The following CRACD variants were observed in gnomAD, a reference collection of about 807,000 sequenced individuals.
CRACD encodes the protein capping protein inhibiting regulator of actin dynamics, also known as capping protein-inhibiting regulator of actin dynamics.
A neutral mutation model predicts 106.8 loss-of-function variants in CRACD; 56 were observed. The observed-to-expected ratio is 0.52, with a 90% CI of 0.42 to 0.66. CRACD has a LOEUF of 0.66. Ranked by LOEUF, CRACD falls within the 30% of genes least tolerant of loss-of-function variation. The pLI is 0.00. For missense variants in CRACD, 1,730 were observed against 1,623.2 expected, an observed-to-expected ratio of 1.07 and a Z score of -1.13; for synonymous variants, 754 against 670.8, an observed-to-expected ratio of 1.12 and a Z score of -1.92.
chr4:56,134,321 T>C (rs928378133), intron 1 of CRACD, among the ~76,000 whole-genome samples: 2 of 152,188 alleles, frequency 1.3e-5, no homozygotes, highest in Admixed American at 1.3e-4. Flanking sequence ...TTCCTTCCTG[T>C]TGATGGGAGA....
Position 56,315,163 on chromosome 4 carries a change from A to G in CRACD, c.1661A>G (p.Asn554Ser), listed in dbSNP as rs763009024. 6 of 1,603,450 alleles carry G rather than the reference A, an allele frequency of 3.7e-6. No homozygotes were observed. The highest frequency in any genetic ancestry group is 1.7e-5 in the Admixed American group (1 of 57,928). ...GGKQILFPKV[N>S]LSPVTPAKDT... ...AAGCAGATTCTCTTTCCCAAAGTCA[A>G]CCTGAGCCCCGTGACGCCCGCAAAG... Residue 554 changes from asparagine (N) to serine (S), a missense_variant, in exon 8 of 11, where the codon AAC (asparagine) becomes AGC (serine). By Grantham distance (46) the Asn-to-Ser change is conservative (BLOSUM62 1). Coordinates refer to ENST00000682029, the MANE Select transcript of CRACD (RefSeq NM_001393381.1). The surrounding 1 kb of genome is among the most constrained non-coding windows in gnomAD (Gnocchi z 4.1).
intron 1 of CRACD, among the ~76,000 whole-genome samples, chr4:56,147,091 A>G (rs1198713755): frequency 6.6e-6 from 1 of 152,180 alleles, no homozygotes; most frequent in Non-Finnish European, 1.5e-5. Context: ...TTAGGCCAGT[A>G]GCGGTGGGCT....
chr4:56,164,704 G>T (rs1400096644), intron 1 of CRACD, among the ~76,000 whole-genome samples: 1 of 152,158 alleles, frequency 6.6e-6, no homozygotes, highest in Non-Finnish European at 1.5e-5. Context: ...TTTTTGGAGT[G>T]GTGGAAATGT....
At chr4:56,074,600 G>A in intron 1 of CRACD, among the ~76,000 whole-genome samples, 1 of 152,126 alleles carries the variant, frequency 6.6e-6, no homozygotes. Flanking sequence ...AGACGATGGT[G>A]TTTTCTAAAT....
At chr4:56,174,258 G>A (rs1056760643) in intron 1 of CRACD, among the ~76,000 whole-genome samples, 2 of 152,112 alleles carry the variant, frequency 1.3e-5, no homozygotes, top group Non-Finnish European at 2.9e-5. Context: ...AGGGTAACTG[G>A]CACATCCATC....
chr4:56,197,643 A>G (rs17745069), intron 2 of CRACD, among the ~76,000 whole-genome samples: 5,064 of 152,090 alleles, frequency 0.033, 120 homozygotes, highest in Admixed American at 0.056. Context: ...GGGAGGTTAC[A>G]AAGTCTATTA....
At chr4:56,051,152 A>G (rs1412406797) in intron 1 of CRACD, among the ~76,000 whole-genome samples, 1 of 152,148 alleles carries the variant, frequency 6.6e-6, no homozygotes, top group East Asian at 1.9e-4. Context: ...TGTGGTCTGT[A>G]TTTCTGATCT....
rs939551389 is a variant in CRACD, at chr4:56,068,832, C to A, written c.-336+19533C>A. ...GTGCTGTGGTGGGCTGAAGAGTGACCCTCGCCCCCTCCCCGAGACTCATGT... is the reference window on the plus strand; with the variant it reads ...GTGCTGTGGTGGGCTGAAGAGTGACACTCGCCCCCTCCCCGAGACTCATGT... On this transcript the variant is annotated intron_variant, in intron 1 of 10. Coordinates refer to ENST00000682029, the MANE Select transcript of CRACD (RefSeq NM_001393381.1). 4.6e-5 allele frequency among the ~76,000 whole-genome samples: 7 copies of A among 151,990 alleles called. 1 individual carries two copies. The East Asian group carries it at 1.4e-3, about 29-fold the overall frequency.
intron 2 of CRACD, among the ~76,000 whole-genome samples, chr4:56,241,711 G>A (rs571873612): frequency 5.3e-5 from 8 of 152,282 alleles, no homozygotes; most frequent in African/African-American, 1.7e-4. Context: ...ATTGGGTGCC[G>A]TGGAAACACA....
chr4:56,205,754 A>G (rs1309589863), intron 2 of CRACD, among the ~76,000 whole-genome samples: 1 of 152,172 alleles, frequency 6.6e-6, no homozygotes. Flanking sequence ...CTGAGATTAC[A>G]GCCATGATCT....
At chr4:56,053,941 T>C (rs1210350327) in intron 1 of CRACD, among the ~76,000 whole-genome samples, 2 of 152,212 alleles carry the variant, frequency 1.3e-5, no homozygotes, top group African/African-American at 2.4e-5. Context: ...GATTTCATCC[T>C]TAGGCTGGCC....
intron 2 of CRACD, among the ~76,000 whole-genome samples, chr4:56,208,591 G>T (rs946936740): frequency 6.6e-6 from 1 of 152,040 alleles, no homozygotes; most frequent in Non-Finnish European, 1.5e-5. Flanking sequence ...TATTAACAAC[G>T]TATTCACTAA....
At chr4:56,214,359 C>A (rs1038228965) in intron 2 of CRACD, among the ~76,000 whole-genome samples, 12 of 152,066 alleles carry the variant, frequency 7.9e-5, no homozygotes, top group African/African-American at 2.7e-4. Context: ...CTTTGGGAGG[C>A]CAAGGTGGGC....
chr4:56,315,939 C>A lies in CRACD; in HGVS notation c.2437C>A (p.His813Asn). ...TTACCCTCCGCAGAAAGTGGTGGCC[C>A]ACACAGAGTTCACGACCTCGTCGGA... ...LPYPPQKVVAHTEFTTSSDSE... is the reference protein window; with the variant it reads ...LPYPPQKVVANTEFTTSSDSE... Residue 813 changes from histidine to asparagine, a missense_variant, in exon 8 of 11, where the codon CAC (histidine) becomes AAC (asparagine). His to Asn is a moderately conservative substitution (Grantham distance 68). This residue lies in a region of CRACD where 1,620 missense variants were observed against 1,481.6 expected (regional missense o/e 1.09). Transcript: ENST00000682029. This position sits in a 1 kb window ranked among gnomAD's most constrained non-coding sequence, Gnocchi z 4.1. The A allele has an allele frequency of 6.2e-7, 1 of 1,614,198 alleles. No homozygotes were observed. Among genetic ancestry groups the A allele is most frequent in the Admixed American group, 1.7e-5 (1 of 60,018 alleles).
At chr4:56,149,214 C>A (rs1735503429) in intron 1 of CRACD, among the ~76,000 whole-genome samples, 1 of 152,166 alleles carries the variant, frequency 6.6e-6, no homozygotes, top group African/African-American at 2.4e-5. Flanking sequence ...TTCTCTAGCA[C>A]CACTACTGCC....
chr4:56,217,936 C>A (rs1338105296), intron 2 of CRACD, among the ~76,000 whole-genome samples: 1 of 152,168 alleles, frequency 6.6e-6, no homozygotes, highest in East Asian at 1.9e-4. Context: ...TTGGCTCCTT[C>A]TGAGGGCTGT....
chr4:56,324,006 C>T, intron 9 of CRACD, 98 bp from the exon 10 acceptor site: 1 of 1,337,762 alleles, frequency 7.5e-7, no homozygotes, highest in Non-Finnish European at 1.0e-6. Context: ...AAGCAGAGGT[C>T]AGGGGCTGGC....
At chr4:56,109,399 C>T (rs1394737793) in intron 1 of CRACD, among the ~76,000 whole-genome samples, 1 of 152,026 alleles carries the variant, frequency 6.6e-6, no homozygotes, top group East Asian at 1.9e-4. Flanking sequence ...TGCCTCGGCA[C>T]CTAGGTAATC....
intron 1 of CRACD, among the ~76,000 whole-genome samples, chr4:56,164,401 T>G (rs891080862): frequency 3.3e-5 from 5 of 152,184 alleles, no homozygotes; most frequent in African/African-American, 2.4e-5. Context: ...CCCAAAGTGC[T>G]GGGATTACAG....
Sources: allele counts gnomAD v4.1 joint callset (sites outside exome capture counted in the v4.1 genomes callset), GRCh38; gene constraint gnomAD v4.1.1; regional missense constraint gnomAD v4.1.1; non-coding constraint Gnocchi (gnomAD v3.1); transcripts MANE v1.5; gene names NCBI Gene and HGNC (gene_info 2026-07-23, HGNC 2026-07-21).